Variants in CYYR1 observed in about 807,000 individuals in gnomAD.
CYYR1 encodes cysteine and tyrosine rich 1.
A neutral mutation model predicts 15.2 loss-of-function variants in CYYR1; 14 were observed. That is an observed-to-expected ratio of 0.92 (90% CI 0.61 to 1.44). The LOEUF is 1.44. Ranked by LOEUF, CYYR1 falls within the 40% of genes most tolerant of loss-of-function variation. The pLI is 0.00. For missense variants in CYYR1, 228 were observed against 209.5 expected, an observed-to-expected ratio of 1.09 and a Z score of -0.54; for synonymous variants, 80 against 77.4, an observed-to-expected ratio of 1.03 and a Z score of -0.18.
At chr21:26,543,021 C>G (rs562909442) in intron 2 of CYYR1, among the ~76,000 whole-genome samples, 2 of 152,134 alleles carry the variant, frequency 1.3e-5, no homozygotes, top group Non-Finnish European at 2.9e-5. Context: ...TGTTTGTCTG[C>G]TATAAAAAGA....
At chr21:26,496,672 T>C (rs936501214) in intron 2 of CYYR1, among the ~76,000 whole-genome samples, 1 of 152,326 alleles carries the variant, frequency 6.6e-6, no homozygotes, top group Admixed American at 6.5e-5. Context: ...TGTTTGATTA[T>C]ATGAAAATAG....
intron 2 of CYYR1, among the ~76,000 whole-genome samples, chr21:26,513,570 G>T (rs1226564779): frequency 6.6e-6 from 1 of 152,184 alleles, no homozygotes; most frequent in South Asian, 2.1e-4. Flanking sequence ...CAATCCAGAA[G>T]TAGGCAATAC....
intron 1 of CYYR1, among the ~76,000 whole-genome samples, chr21:26,571,470 G>A (rs1043603782): frequency 4.6e-5 from 7 of 152,174 alleles, no homozygotes; most frequent in Non-Finnish European, 8.8e-5. Context: ...AGGAGGAGGG[G>A]GCAGATGTGT....
In CYYR1 at chr21:26,507,050, C is replaced by T. The variant is rs573875362; in HGVS notation, c.177-26621G>A. 9.9e-5 allele frequency among the ~76,000 whole-genome samples: 15 copies of T among 152,272 alleles called. No homozygotes were observed. The South Asian group carries it at 2.3e-3, about 23-fold the overall frequency. On this transcript the variant is annotated intron_variant, in intron 2 of 3. Transcript: ENST00000652641. Reference sequence around the variant, plus strand: ...AAAAATCAAAGAGTAGCTGTGAAAGCCCTCAGCCCACAGGTTGCTGTGATT... The same window carrying T: ...AAAAATCAAAGAGTAGCTGTGAAAGTCCTCAGCCCACAGGTTGCTGTGATT...
chr21:26,492,618 A>C (rs2123448214), intron 2 of CYYR1, among the ~76,000 whole-genome samples: 1 of 152,296 alleles, frequency 6.6e-6, no homozygotes, highest in South Asian at 2.1e-4. Context: ...CTAAACATAT[A>C]AGTGGTACCA....
chr21:26,509,874 G>C (rs1301186645), intron 2 of CYYR1, among the ~76,000 whole-genome samples: 1 of 152,186 alleles, frequency 6.6e-6, no homozygotes, highest in Non-Finnish European at 1.5e-5. Flanking sequence ...TGGGAAGTAT[G>C]ATGTTCTAAG....
At chr21:26,531,633 C>A (rs1050646509) in intron 2 of CYYR1, among the ~76,000 whole-genome samples, 2 of 152,132 alleles carry the variant, frequency 1.3e-5, no homozygotes, top group Non-Finnish European at 2.9e-5. Context: ...AGCTGTGGAA[C>A]TAACTCTTCC....
chr21:26,468,198 G>A lies in CYYR1; in HGVS notation c.*303C>T, dbSNP rs2064991163. Reference sequence around the variant, plus strand: ...TCAATACTGAAACTTTCTTCACCTAGCCCTTAAACAACATGATTATCAGAT... The same window carrying A: ...TCAATACTGAAACTTTCTTCACCTAACCCTTAAACAACATGATTATCAGAT... On this transcript the variant is annotated 3_prime_UTR_variant, in exon 4 of 4. Coordinates refer to ENST00000652641, the MANE Select transcript of CYYR1 (RefSeq NM_001320768.2). 5.7e-6 allele frequency: 2 copies of A among 353,006 alleles called. No homozygotes were observed. The highest frequency in any genetic ancestry group is 8.2e-5 in the Admixed American group (2 of 24,322). 21.9% of individuals were successfully genotyped at this position (353,006 alleles called of 1,614,324 possible).
intron 2 of CYYR1, chr21:26,564,811 C>T: frequency 1.6e-6 from 2 of 1,248,680 alleles, no homozygotes; most frequent in Non-Finnish European, 2.1e-6. Context: ...GCACCTCTAC[C>T]TGGGACAGCA....
intron 3 of CYYR1, chr21:26,471,804 C>T (rs1458521811): frequency 2.6e-5 from 4 of 152,234 alleles, no homozygotes; most frequent in South Asian, 2.1e-4. Flanking sequence ...GCTGGAGATA[C>T]GTGCCTTTGA....
chr21:26,480,389 T>C lies in CYYR1; in HGVS notation c.217A>G (p.Ile73Val), dbSNP rs537292734. 3.1e-6 allele frequency: 5 copies of C among 1,613,334 alleles called. No individual in the cohort carries two copies. Among genetic ancestry groups the C allele is most frequent in the African/African-American group, 2.7e-5 (2 of 74,958 alleles). The stretch of plus-strand genomic sequence containing the variant: ...GCAATCCCAGCAATGACCCCCATGA[T>C]AAATACTATTCCAAAAACAATGCCC... The part of the protein sequence containing the change: ...IAGIVFGIVF[I>V]MGVIAGIAIC... The change falls in exon 3 of 4, where the codon ATC becomes GTC. Residue 73 changes from isoleucine (I) to valine (V), a missense_variant. Coordinates refer to ENST00000652641, the MANE Select transcript of CYYR1 (RefSeq NM_001320768.2).
chr21:26,558,799 T>A (rs1412279956), intron 2 of CYYR1, among the ~76,000 whole-genome samples: 2 of 152,244 alleles, frequency 1.3e-5, no homozygotes, highest in Non-Finnish European at 2.9e-5. Flanking sequence ...TTTACTCTAA[T>A]GTTATGTTAA....
chr21:26,568,028 C>A (rs573960571), intron 1 of CYYR1: 1 of 152,268 alleles, frequency 6.6e-6, no homozygotes, highest in Admixed American at 6.5e-5. Context: ...AAATAATTAC[C>A]TTTGTGAGAT....
At chr21:26,505,950 T>C (rs548128011) in intron 2 of CYYR1, among the ~76,000 whole-genome samples, 5 of 152,342 alleles carry the variant, frequency 3.3e-5, no homozygotes, top group Admixed American at 2.6e-4. Flanking sequence ...TAATCCTTTA[T>C]TGAGATATAA....
intron 3 of CYYR1, among the ~76,000 whole-genome samples, chr21:26,472,575 C>G (rs530204895): frequency 6.6e-6 from 1 of 152,074 alleles, no homozygotes; most frequent in South Asian, 2.1e-4. Flanking sequence ...ATCTTGTCCA[C>G]TGTTTGTTAT....
chr21:26,509,931 G>T (rs2065623391), intron 2 of CYYR1, among the ~76,000 whole-genome samples: 1 of 152,138 alleles, frequency 6.6e-6, no homozygotes, highest in African/African-American at 2.4e-5. Flanking sequence ...CACTCCTCAG[G>T]TTTACACAGC....
chr21:26,544,890 G>T (rs1369214993), intron 2 of CYYR1, among the ~76,000 whole-genome samples: 1 of 151,924 alleles, frequency 6.6e-6, no homozygotes, highest in East Asian at 1.9e-4. Flanking sequence ...CCTGGGCAAA[G>T]AAACTGTGAT....
At chr21:26,533,511 C>G (rs2065958967) in intron 2 of CYYR1, among the ~76,000 whole-genome samples, 1 of 152,088 alleles carries the variant, frequency 6.6e-6, no homozygotes, top group Non-Finnish European at 1.5e-5. Context: ...AAATTCACCC[C>G]TCCTCTGCCT....
intron 2 of CYYR1, among the ~76,000 whole-genome samples, chr21:26,537,062 G>T (rs1239692944): frequency 6.6e-6 from 1 of 152,114 alleles, no homozygotes; most frequent in Admixed American, 6.6e-5. Flanking sequence ...CTGGTGTGCG[G>T]GTTCAGAGTT....
Sources: gnomAD v4.1 joint callset for allele counts (sites outside exome capture counted in the v4.1 genomes callset) on GRCh38, gnomAD v4.1.1 for gene constraint, MANE v1.5 for transcripts, NCBI Gene and HGNC (gene_info 2026-07-23, HGNC 2026-07-21) for gene names.